The following CPNE4 variants were observed in gnomAD, a reference collection of about 807,000 sequenced individuals.
The protein encoded by CPNE4 is copine 4.
A neutral mutation model predicts 67.9 loss-of-function variants in CPNE4; 25 were observed. The ratio of observed to expected loss-of-function variants is 0.37; its 90% CI spans 0.27 to 0.51. The LOEUF (loss-of-function observed/expected upper bound fraction) is 0.51. Ranked by LOEUF, CPNE4 falls within the 20% of genes least tolerant of loss-of-function variation. CPNE4 has a pLI of 0.93. For missense variants in CPNE4, 464 were observed against 690.8 expected (o/e 0.67, Z 3.68); for synonymous variants, 242 against 244.9 (o/e 0.99, Z 0.11).
intron 3 of CPNE4, among the ~76,000 whole-genome samples, chr3:131,712,355 G>A (rs1241555514): frequency 6.6e-6 from 1 of 152,112 alleles, no homozygotes; most frequent in Non-Finnish European, 1.5e-5. Flanking sequence ...TATCCTCCCA[G>A]TCTCTTGGCC....
chr3:131,838,259 A>G (rs1213025154), intron 2 of CPNE4, among the ~76,000 whole-genome samples: 3 of 152,122 alleles, frequency 2.0e-5, no homozygotes, highest in South Asian at 4.1e-4. Flanking sequence ...TTCTATGCAA[A>G]TGGATATTTT....
chr3:131,984,557 A>G (rs568874415), intron 1 of CPNE4, among the ~76,000 whole-genome samples: 2 of 152,320 alleles, frequency 1.3e-5, no homozygotes, highest in Admixed American at 6.5e-5. Flanking sequence ...AGCTACTGCT[A>G]TCAAGTGTTT....
intron 1 of CPNE4, among the ~76,000 whole-genome samples, chr3:131,912,878 T>G (rs952212445): frequency 6.6e-6 from 1 of 152,088 alleles, no homozygotes; most frequent in African/African-American, 2.4e-5. Context: ...TCCCAGATGT[T>G]GTTGATCCTG....
intron 2 of CPNE4, among the ~76,000 whole-genome samples, chr3:131,752,374 G>A (rs1252393772): frequency 6.6e-6 from 1 of 152,086 alleles, no homozygotes; most frequent in Non-Finnish European, 1.5e-5. Context: ...TCCCTTTCCT[G>A]GTCCTTTGGG....
intron 11 of CPNE4, among the ~76,000 whole-genome samples, chr3:131,559,578 G>A (rs1936649803): frequency 6.6e-6 from 1 of 151,824 alleles, no homozygotes; most frequent in Admixed American, 6.6e-5. Flanking sequence ...AAAATACTTT[G>A]AATCTTTTCA....
rs530818015 is a variant in CPNE4 at position 131,815,253 on chromosome 3, A to G, written c.180+90011T>C. Among the ~76,000 whole-genome samples, 332 of 152,338 alleles carry G rather than the reference A, an allele frequency of 2.2e-3. 3 individuals carry two copies. The highest frequency in any genetic ancestry group is 7.8e-3 in the African/African-American group (324 of 41,586). ...TTAGGTTCTGAGATCAAAAAATTGGAAAACTGATATTATAAATAAAGTGAA... is the reference window on the plus strand; with the variant it reads ...TTAGGTTCTGAGATCAAAAAATTGGGAAACTGATATTATAAATAAAGTGAA... On this transcript the variant is annotated intron_variant, in intron 2 of 15. Coordinates refer to ENST00000429747, the MANE Select transcript of CPNE4 (RefSeq NM_130808.3).
intron 2 of CPNE4, among the ~76,000 whole-genome samples, chr3:131,876,597 G>A (rs2087465025): frequency 7.5e-6 from 1 of 133,160 alleles, no homozygotes; most frequent in Admixed American, 8.9e-5. Flanking sequence ...AGCCAAGATC[G>A]CACCATTGCA....
At chr3:131,938,692 G>A (rs377718064) in intron 1 of CPNE4, among the ~76,000 whole-genome samples, 27 of 152,096 alleles carry the variant, frequency 1.8e-4, no homozygotes, top group African/African-American at 5.3e-4. Flanking sequence ...GCGAACTCCC[G>A]CACTATTAGG....
At chr3:131,663,289 C>T (rs1220073736) in intron 7 of CPNE4, among the ~76,000 whole-genome samples, 1 of 150,796 alleles carries the variant, frequency 6.6e-6, no homozygotes, top group Non-Finnish European at 1.5e-5. Context: ...GGGAGGGGAA[C>T]ATCATACATC....
intron 15 of CPNE4, among the ~76,000 whole-genome samples, chr3:131,539,344 A>T (rs78855018): frequency 0.038 from 5,836 of 152,200 alleles, 271 homozygotes; most frequent in African/African-American, 0.11. Flanking sequence ...CTGCTCTCCA[A>T]GGCTCTGTCT....
chr3:131,855,447 A>G (rs550395026), intron 2 of CPNE4, among the ~76,000 whole-genome samples: 2 of 152,116 alleles, frequency 1.3e-5, no homozygotes, highest in East Asian at 1.9e-4. Flanking sequence ...TGACTTGCCA[A>G]TAATTGTTCC....
Position 131,835,223 on chromosome 3 carries a change from G to C in CPNE4, c.180+70041C>G, listed in dbSNP as rs143526310. Among the ~76,000 whole-genome samples the C allele has an allele frequency of 7.0e-3, 1,061 of 152,236 alleles. 7 individuals carry two copies. Among genetic ancestry groups the C allele is most frequent in the Non-Finnish European group, 0.01 (684 of 68,014 alleles). The stretch of plus-strand genomic sequence containing the variant: ...GAAGCCAGCAACTCAGACCACAAAA[G>C]GGTACAGAATAAAAAGGCCCAGGGG... On this transcript the variant is annotated intron_variant, in intron 2 of 15. Transcript: ENST00000429747.
chr3:131,977,005 T>A (rs2072675874), intron 1 of CPNE4, among the ~76,000 whole-genome samples: 2 of 152,078 alleles, frequency 1.3e-5, no homozygotes, highest in African/African-American at 4.8e-5. Context: ...TTTCATCATG[T>A]TGGTCAGGCT....
intron 15 of CPNE4, chr3:131,537,827 T>C (rs1935245277): frequency 6.4e-6 from 1 of 155,840 alleles, no homozygotes; most frequent in Admixed American, 6.5e-5. Context: ...AATCACTGAC[T>C]CCAGCAGCAA....
chr3:131,748,852 CT>C (rs1183950508), intron 2 of CPNE4, among the ~76,000 whole-genome samples: 1 of 151,972 alleles, frequency 6.6e-6, no homozygotes, highest in African/African-American at 2.4e-5. Flanking sequence ...TGTCTTCTCT[CT>C]TTTTTTATTT....
At chr3:131,838,813 A>G (rs2085658891) in intron 2 of CPNE4, among the ~76,000 whole-genome samples, 1 of 151,684 alleles carries the variant, frequency 6.6e-6, no homozygotes, top group Non-Finnish European at 1.5e-5. Context: ...GTATATTCGT[A>G]TACATGAATA....
At chr3:131,714,331 T>C (rs933025287) in intron 3 of CPNE4, among the ~76,000 whole-genome samples, 1 of 152,180 alleles carries the variant, frequency 6.6e-6, no homozygotes, top group African/African-American at 2.4e-5. Context: ...CATTCACTTA[T>C]GTCAGGAAGG....
intron 1 of CPNE4, among the ~76,000 whole-genome samples, chr3:131,951,668 T>A (rs2071725754): frequency 6.6e-6 from 1 of 152,232 alleles, no homozygotes; most frequent in Admixed American, 6.5e-5. Flanking sequence ...CCCTGCCTGA[T>A]TCTCCTGCCT....
Position 131,832,675 on chromosome 3 carries a change from TG to T in CPNE4, c.180+72588del, listed in dbSNP as rs1214812721. On this transcript the variant is annotated intron_variant, in intron 2 of 15. Coordinates refer to ENST00000429747, the MANE Select transcript of CPNE4 (RefSeq NM_130808.3). ...TGTATTTTGGAAGCACATACCTTGT[TG>T]GATTTCACAGATTCACAGATGGAGA... 7.2e-5 allele frequency among the ~76,000 whole-genome samples: 11 copies of T among 152,342 alleles called. No individual in the cohort carries two copies. The South Asian group carries it at 2.3e-3, about 32-fold the overall frequency.
Sources: gnomAD v4.1 joint callset for allele counts (sites outside exome capture counted in the v4.1 genomes callset) on GRCh38, gnomAD v4.1.1 for gene constraint, MANE v1.5 for transcripts, NCBI Gene and HGNC (gene_info 2026-07-23, HGNC 2026-07-21) for gene names.